The following FNIP1 variants were observed in gnomAD, a reference collection of about 807,000 sequenced individuals.
The protein encoded by FNIP1 is folliculin-interacting protein 1.
In FNIP1, 40 loss-of-function variants were observed where a neutral mutation model predicts 124.5. The observed-to-expected ratio is 0.32, with a 90% CI of 0.25 to 0.42. The LOEUF is 0.42. Ranked by LOEUF, FNIP1 falls within the 10% of genes least tolerant of loss-of-function variation. The probability of loss-of-function intolerance (pLI) is 1.00; values close to 1 mark genes in which losing one functional copy is unlikely to be tolerated. For synonymous variants in FNIP1, 472 were observed against 470.6 expected, an observed-to-expected ratio of 1.00 and a Z score of -0.04; for missense variants, 1,176 against 1,403.7, an observed-to-expected ratio of 0.84 and a Z score of 2.59.
intron 11 of FNIP1, among the ~76,000 whole-genome samples, chr5:131,688,791 C>T (rs1768374482): frequency 6.8e-6 from 1 of 147,796 alleles, no homozygotes; most frequent in Non-Finnish European, 1.5e-5. Context: ...AATCAATGAA[C>T]TTGAAGGTAT....
intron 11 of FNIP1, among the ~76,000 whole-genome samples, chr5:131,684,811 T>C (rs1466270834): frequency 3.9e-5 from 6 of 152,208 alleles, no homozygotes; most frequent in African/African-American, 7.2e-5. Context: ...CAGAAACTTT[T>C]GGCCTTTGCC....
Position 131,677,887 on chromosome 5 carries a change from C to A in FNIP1, c.1350-15G>T. The A allele has an allele frequency of 1.2e-6, 2 of 1,609,522 alleles. No homozygotes were observed. Among genetic ancestry groups the A allele is most frequent in the South Asian group, 1.1e-5 (1 of 90,820 alleles). ...CTGGCAAGAATCTGAAAACAAAATA[C>A]ATCTGATCAGATTCCAATCAGTCTT... On this transcript the variant is annotated splice_polypyrimidine_tract_variant and intron_variant, in intron 12 of 17. Transcript: ENST00000510461.
intron 6 of FNIP1, among the ~76,000 whole-genome samples, chr5:131,713,589 TAAC>T (rs35523537): frequency 0.58 from 87,496 of 151,922 alleles, 29,619 homozygotes; most frequent in Non-Finnish European, 0.76. Context: ...TCTAACTAGC[TAAC>T]AACAATGGAT....
intron 11 of FNIP1, among the ~76,000 whole-genome samples, chr5:131,693,347 T>TATATATACAC (rs1299325542): frequency 7.9e-6 from 1 of 127,278 alleles, no homozygotes. Flanking sequence ...TATATATATA[T>TATATATACAC]ATATATATAT....
intron 1 of FNIP1, among the ~76,000 whole-genome samples, chr5:131,781,331 C>T (rs1263165828): frequency 2.0e-5 from 3 of 152,216 alleles, no homozygotes; most frequent in African/African-American, 7.2e-5. Flanking sequence ...CACTAAATAA[C>T]AGATTATCAG....
At chr5:131,789,217 CT>C (rs1311943421) in intron 1 of FNIP1, among the ~76,000 whole-genome samples, 7 of 152,194 alleles carry the variant, frequency 4.6e-5, no homozygotes, top group Middle Eastern at 3.4e-3. Context: ...AAAAGTTGAT[CT>C]CATAGAAGTA....
chr5:131,678,883 C>G, intron 12 of FNIP1, 146 bp downstream of exon 12: 1 of 591,190 alleles, frequency 1.7e-6, no homozygotes, highest in South Asian at 2.7e-5. Context: ...CTTCCATACC[C>G]TATCATTTAA....
In FNIP1 at chr5:131,706,396, A is replaced by C; in HGVS notation, c.914+15T>G. On this transcript the variant is annotated intron_variant, in intron 9 of 17. Transcript: ENST00000510461. Reference sequence around the variant, plus strand: ...AACTACTCAATCTTGTTCTGTGTTTAAAGTTCCAACTTACCATCTAGGAAA... The same window carrying C: ...AACTACTCAATCTTGTTCTGTGTTTCAAGTTCCAACTTACCATCTAGGAAA... 6.2e-7 allele frequency: 1 copy of C among 1,602,964 alleles called. No homozygotes were observed. The highest frequency in any genetic ancestry group is 8.5e-7 in the Non-Finnish European group (1 of 1,174,738).
chr5:131,672,522 A>G lies in FNIP1; in HGVS notation c.1922T>C (p.Leu641Pro). 4 of 1,613,806 alleles carry G rather than the reference A, an allele frequency of 2.5e-6. No homozygotes were observed. The highest frequency in any genetic ancestry group is 3.4e-6 in the Non-Finnish European group (4 of 1,180,030). ...EDIQNSSKEL[L>P]GISDECQMIS... Reference sequence around the variant, plus strand: ...CATCTGGCACTCATCTGAAATTCCTAGCAGCTCCTTAGAGCTGTTTTGAAT... The same window carrying G: ...CATCTGGCACTCATCTGAAATTCCTGGCAGCTCCTTAGAGCTGTTTTGAAT... The change falls in exon 14 of 18, where the codon CTA becomes CCA. Residue 641 changes from leucine to proline, a missense_variant. By Grantham distance (98) the Leu-to-Pro change is moderately conservative (BLOSUM62 -3). Around this residue, in one of 2 missense-constraint regions of FNIP1, gnomAD observed 1,109 missense variants for 1,288.5 expected, o/e 0.86. Coordinates refer to ENST00000510461, the MANE Select transcript of FNIP1 (RefSeq NM_133372.3).
intron 1 of FNIP1, among the ~76,000 whole-genome samples, chr5:131,783,488 C>T (rs769473040): frequency 3.3e-5 from 5 of 150,106 alleles, no homozygotes; most frequent in Non-Finnish European, 5.9e-5. Context: ...AAGATCAATA[C>T]GGGAGACTGT....
In FNIP1 at chr5:131,672,189, G is replaced by C; in HGVS notation, c.2255C>G (p.Thr752Ser). Residue 752 changes from threonine (T) to serine (S), a missense_variant, in exon 14 of 18, where the codon ACT becomes AGT. Physicochemically the swap from Thr to Ser is moderately conservative, Grantham distance 58. This residue lies in a region of FNIP1 where 1,109 missense variants were observed against 1,288.5 expected (regional missense o/e 0.86). Coordinates refer to ENST00000510461, the MANE Select transcript of FNIP1 (RefSeq NM_133372.3). ...TGACATAGAATCCCCAATCAGGAAA[G>C]TAACCTTTGTCTGGGCAGCCTCACA... The part of the protein sequence containing the change: ...FSCEAAQTKV[T>S]FLIGDSMSPD... 1 of 1,614,172 alleles carries C rather than the reference G, an allele frequency of 6.2e-7. No homozygotes were observed. The highest frequency in any genetic ancestry group is 1.1e-5 in the South Asian group (1 of 91,082).
At chr5:131,742,577 TA>T (rs1197165303) in intron 2 of FNIP1, among the ~76,000 whole-genome samples, 3 of 152,220 alleles carry the variant, frequency 2.0e-5, no homozygotes, top group African/African-American at 7.2e-5. Flanking sequence ...TGTTTTAAAC[TA>T]AGAAAAGTGT....
chr5:131,785,253 GA>G (rs1319296559), intron 1 of FNIP1, among the ~76,000 whole-genome samples: 4 of 150,134 alleles, frequency 2.7e-5, no homozygotes, highest in African/African-American at 4.9e-5. Flanking sequence ...ATAATATTTT[GA>G]GTCAGATTTT....
At chr5:131,695,598 A>G (rs551554554) in intron 11 of FNIP1, among the ~76,000 whole-genome samples, 2 of 152,358 alleles carry the variant, frequency 1.3e-5, no homozygotes, top group Admixed American at 1.3e-4. Flanking sequence ...ATTAATGGCT[A>G]TAAATCACCA....
At chr5:131,665,699 C>A (rs916536354) in intron 15 of FNIP1, among the ~76,000 whole-genome samples, 9 of 149,934 alleles carry the variant, frequency 6.0e-5, no homozygotes, top group African/African-American at 2.2e-4. Flanking sequence ...AAGCGATTGT[C>A]CTGCCTCAGC....
chr5:131,789,183 T>A (rs1028843267), intron 1 of FNIP1, among the ~76,000 whole-genome samples: 1 of 152,148 alleles, frequency 6.6e-6, no homozygotes, highest in African/African-American at 2.4e-5. Context: ...ATACCACATG[T>A]CCTCACTCAC....
chr5:131,657,228 T>C (rs1369640874), intron 15 of FNIP1, among the ~76,000 whole-genome samples: 1 of 151,798 alleles, frequency 6.6e-6, no homozygotes, highest in Non-Finnish European at 1.5e-5. Flanking sequence ...GGTCTCGAAC[T>C]CCTGACCTCA....
intron 1 of FNIP1, among the ~76,000 whole-genome samples, chr5:131,770,260 T>C (rs946269988): frequency 6.6e-6 from 1 of 152,210 alleles, no homozygotes; most frequent in Non-Finnish European, 1.5e-5. Flanking sequence ...TGAACTCTTG[T>C]GTTGAGTTCA....
At chr5:131,744,331 A>G (rs1770603458) in intron 2 of FNIP1, among the ~76,000 whole-genome samples, 1 of 152,230 alleles carries the variant, frequency 6.6e-6, no homozygotes, top group African/African-American at 2.4e-5. Flanking sequence ...TTGTTAAGTT[A>G]GCCTTGGATT....
Sources: gnomAD v4.1 joint callset for allele counts (sites outside exome capture counted in the v4.1 genomes callset) on GRCh38, gnomAD v4.1.1 for gene constraint, gnomAD v4.1.1 regional missense constraint, MANE v1.5 for transcripts, NCBI Gene and HGNC (gene_info 2026-07-23, HGNC 2026-07-21) for gene names.